Variants in CDC27 observed in about 807,000 individuals in gnomAD.
CDC27 encodes the protein cell division cycle protein 27 homolog.
CDC27 carries 27 observed loss-of-function variants against 109.7 expected under a neutral mutation model. The ratio of observed to expected loss-of-function variants is 0.25; its 90% CI spans 0.18 to 0.34. The LOEUF (loss-of-function observed/expected upper bound fraction) is 0.34, where lower values mean the gene tolerates loss of function less well. CDC27 is among the 10% of genes least tolerant of loss of function. The probability of loss-of-function intolerance (pLI) is 1.00; values close to 1 mark genes in which losing one functional copy is unlikely to be tolerated. For missense variants in CDC27, 579 were observed against 960.2 expected (o/e 0.60, Z 5.25); for synonymous variants, 266 against 333.9 (o/e 0.80, Z 2.22).
Position 47,120,888 on chromosome 17 carries a change from G to A in CDC27, c.*47C>T, listed in dbSNP as rs1477392251. The A allele has an allele frequency of 7.5e-6, 10 of 1,337,090 alleles. No individual in the cohort carries two copies. Among genetic ancestry groups the A allele is most frequent in the Non-Finnish European group, 1.1e-5 (10 of 932,652 alleles). 82.8% of individuals were successfully genotyped at this position (1,337,090 alleles called of 1,614,324 possible). On this transcript the variant is annotated 3_prime_UTR_variant, in exon 19 of 19. Coordinates refer to ENST00000066544, the MANE Select transcript of CDC27 (RefSeq NM_001256.6). ...CAGTATACAGAGGGACAAGAAACACGTCAGCACTAGTCACACATCCAGTTG... is the reference window on the plus strand; with the variant it reads ...CAGTATACAGAGGGACAAGAAACACATCAGCACTAGTCACACATCCAGTTG...
At chr17:47,167,730 C>A (rs1462698264) in intron 4 of CDC27, among the ~76,000 whole-genome samples, 1 of 152,190 alleles carries the variant, frequency 6.6e-6, no homozygotes, top group African/African-American at 2.4e-5. Flanking sequence ...CCCCTAAACA[C>A]ACCAAGCATC....
chr17:47,127,229 C>T (rs1478935490), intron 16 of CDC27, among the ~76,000 whole-genome samples: 8 of 152,128 alleles, frequency 5.3e-5, no homozygotes, highest in Non-Finnish European at 5.9e-5. Flanking sequence ...CACCACTGCA[C>T]TCCAGCTTGG....
intron 4 of CDC27, chr17:47,169,714 A>G: frequency 2.7e-6 from 1 of 367,320 alleles, no homozygotes; most frequent in Non-Finnish European, 4.8e-6. Context: ...TAGGCAGGGC[A>G]GCTGTAGCTA....
chr17:47,120,979 C>A lies in CDC27; in HGVS notation c.2431G>T (p.Ala811Ser). ...GCTGCATGAAGTTGTGTGTCATCCG[C>A]ATCTGTCATGCTGCTCTCCTGGGAT... ...DESQESSMTD[A>S]DDTQLHAAES... Residue 811 changes from alanine (A) to serine (S), a missense_variant, in exon 19 of 19, where the codon GCG becomes TCG. Physicochemically the swap from Ala to Ser is moderately conservative, Grantham distance 99. Coordinates refer to ENST00000066544, the MANE Select transcript of CDC27 (RefSeq NM_001256.6). 6.2e-7 allele frequency: 1 copy of A among 1,613,220 alleles called. No individual in the cohort carries two copies. The highest frequency in any genetic ancestry group is 8.5e-7 in the Non-Finnish European group (1 of 1,179,552).
intron 2 of CDC27, among the ~76,000 whole-genome samples, chr17:47,174,847 T>A (rs190213189): frequency 2.0e-5 from 3 of 152,098 alleles, no homozygotes; most frequent in Admixed American, 2.0e-4. Context: ...TCCCAGCTAC[T>A]CGGGAGGCTG....
chr17:47,166,638 A>C (rs1030395399), intron 4 of CDC27, among the ~76,000 whole-genome samples: 7 of 151,728 alleles, frequency 4.6e-5, no homozygotes, highest in African/African-American at 1.7e-4. Flanking sequence ...GTTTGCTTGG[A>C]TTTACTGTGC....
At chr17:47,159,956 C>T (rs759900387) in intron 4 of CDC27, 11 of 317,224 alleles carry the variant, frequency 3.5e-5, no homozygotes, top group Admixed American at 4.9e-5. Context: ...GCCCCATCCA[C>T]GGCTGCGACC....
intron 4 of CDC27, chr17:47,159,437 C>T (rs925781482): frequency 1.8e-5 from 15 of 850,084 alleles, no homozygotes; most frequent in Admixed American, 2.6e-5. Flanking sequence ...TCATGAGCAG[C>T]TTCTTGGGCA....
At chr17:47,159,988 G>T in intron 4 of CDC27, 1 of 251,370 alleles carries the variant, frequency 4.0e-6, no homozygotes, top group South Asian at 4.3e-5. Context: ...TGCCACTGCT[G>T]AAACCTCTGC....
At chr17:47,143,594 T>C (rs945515812) in intron 10 of CDC27, among the ~76,000 whole-genome samples, 1 of 152,224 alleles carries the variant, frequency 6.6e-6, no homozygotes, top group Non-Finnish European at 1.5e-5. Flanking sequence ...GCCTAACTCC[T>C]AATAATCACT....
In CDC27 at chr17:47,118,054, C is replaced by T. The variant is rs1404667402; in HGVS notation, c.*2881G>A. On this transcript the variant is annotated 3_prime_UTR_variant, in exon 19 of 19. Coordinates refer to ENST00000066544, the MANE Select transcript of CDC27 (RefSeq NM_001256.6). Reference sequence around the variant, plus strand: ...AGTCAGTTAAAGCAAAAAGAAGACACAAAATTACATTGTTTCAATGCAAAC... The same window carrying T: ...AGTCAGTTAAAGCAAAAAGAAGACATAAAATTACATTGTTTCAATGCAAAC... 1 of 152,132 alleles carries T rather than the reference C, an allele frequency of 6.6e-6. No homozygotes were observed. Among genetic ancestry groups the T allele is most frequent in the Non-Finnish European group, 1.5e-5 (1 of 68,008 alleles). 9.4% of individuals were successfully genotyped at this position (152,132 alleles called of 1,614,324 possible).
At chr17:47,157,145 C>A (rs1387233854) in intron 6 of CDC27, 21 bp from the exon 7 acceptor site, 5 of 1,539,270 alleles carry the variant, frequency 3.2e-6, no homozygotes, top group Admixed American at 3.9e-5. Context: ...AAATTTCTAC[C>A]AAGTCATTCA....
chr17:47,164,232 C>T (rs2063578186), intron 4 of CDC27, among the ~76,000 whole-genome samples: 1 of 152,154 alleles, frequency 6.6e-6, no homozygotes, highest in Non-Finnish European at 1.5e-5. Context: ...GTGTAGTAGG[C>T]TACACCATCT....
chr17:47,156,084 G>C (rs2063294756), intron 7 of CDC27, among the ~76,000 whole-genome samples: 1 of 152,172 alleles, frequency 6.6e-6, no homozygotes, highest in East Asian at 1.9e-4. Flanking sequence ...CATAAAGACA[G>C]TATTTTTTAA....
chr17:47,123,249 A>G (rs1158463420), intron 17 of CDC27, among the ~76,000 whole-genome samples: 2 of 152,080 alleles, frequency 1.3e-5, no homozygotes, highest in Non-Finnish European at 2.9e-5. Context: ...AGTTATATCA[A>G]CTCTTTACAA....
Position 47,151,808 on chromosome 17 carries a change from T to C in CDC27, c.1068A>G (p.Thr356=). The part of the protein sequence containing the change: ...LAQTQSSGPQ[T]STTPQVLSPT... ...TGAATAATTACAATGATAAATACCT[T>C]GTTTGTGGACCAGAACTTTGTGTTT... The change falls in exon 9 of 19, where the codon ACA becomes ACG. Residue 356 remains threonine, a splice_region_variant and synonymous_variant. Coordinates refer to ENST00000066544, the MANE Select transcript of CDC27 (RefSeq NM_001256.6). 1 of 1,580,900 alleles carries C rather than the reference T, an allele frequency of 6.3e-7. No homozygotes were observed. Among genetic ancestry groups the C allele is most frequent in the Non-Finnish European group, 8.6e-7 (1 of 1,164,954 alleles).
intron 7 of CDC27, among the ~76,000 whole-genome samples, chr17:47,155,408 G>A (rs1049103115): frequency 6.6e-6 from 1 of 152,096 alleles, no homozygotes; most frequent in South Asian, 2.1e-4. Flanking sequence ...ACCATGCCGG[G>A]CTAATTTTTG....
chr17:47,149,509 T>TAAAAAAAAAAAAA (rs34375130), intron 9 of CDC27, among the ~76,000 whole-genome samples: 1 of 112,178 alleles, frequency 8.9e-6, no homozygotes, highest in Non-Finnish European at 1.8e-5. Flanking sequence ...GACTCTGTCT[T>TAAAAAAAAAAAAA]AAAAAAAAAA....
intron 12 of CDC27, 47 bp from the exon 13 acceptor site, chr17:47,138,938 T>A: frequency 1.6e-6 from 2 of 1,279,472 alleles, no homozygotes; most frequent in Non-Finnish European, 2.2e-6. Context: ...ATACAATTTA[T>A]ATATATACAC....
Sources: allele counts gnomAD v4.1 joint callset (sites outside exome capture counted in the v4.1 genomes callset), GRCh38; gene constraint gnomAD v4.1.1; transcripts MANE v1.5; gene names NCBI Gene and HGNC (gene_info 2026-07-23, HGNC 2026-07-21).